The following GINM1 variants were observed in gnomAD, a reference collection of about 807,000 sequenced individuals.
GINM1 encodes the protein glycosylated integral membrane protein 1.
In GINM1, 29 loss-of-function variants were observed where a neutral mutation model predicts 37.8. The ratio of observed to expected loss-of-function variants is 0.77; its 90% CI spans 0.57 to 1.05. The LOEUF (loss-of-function observed/expected upper bound fraction) is 1.05, where lower values mean the gene tolerates loss of function less well. Among genes scored for constraint, GINM1 ranks in the 50% least tolerant of loss-of-function variants. The probability of loss-of-function intolerance (pLI) is 0.00; values close to 1 mark genes in which losing one functional copy is unlikely to be tolerated. For synonymous variants in GINM1, 143 were observed against 146.2 expected (o/e 0.98, Z 0.16); for missense variants, 377 against 397.9 (o/e 0.95, Z 0.45).
rs376235739 is a variant in GINM1, at chr6:149,572,287, C to T, written c.123C>T (p.Asp41=). The change falls in exon 2 of 8, where the codon GAC becomes GAT. Residue 41 remains aspartate, a splice_region_variant and synonymous_variant. Transcript: ENST00000367419. ...EPPPLSGAPQ[D]GIRINVTTLK... The stretch of plus-strand genomic sequence containing the variant: ...TTTACACAATACTTGTTTTACAGGA[C>T]GGCATCAGAATTAATGTAACTACAC... The T allele has an allele frequency of 4.7e-5, 74 of 1,586,280 alleles. No individual in the cohort carries two copies. Among genetic ancestry groups the T allele is most frequent in the Admixed American group, 3.1e-4 (17 of 55,414 alleles).
rs1777843498 is a variant in GINM1, at chr6:149,572,523, C to T, written c.197C>T (p.Thr66Ile). ...TATTTTAAGGTTGTTCTTAACATAA[C>T]CTATGAGAGTGGACAGGTGTATGTA... ...ISKQQVVLNI[T>I]YESGQVYVND... The change falls in exon 3 of 8, where the codon ACC (threonine) becomes ATC (isoleucine). Residue 66 changes from threonine to isoleucine, a missense_variant. Physicochemically the swap from Thr to Ile is moderately conservative, Grantham distance 89. Coordinates refer to ENST00000367419, the MANE Select transcript of GINM1 (RefSeq NM_138785.5). 1.1e-5 allele frequency: 17 copies of T among 1,590,528 alleles called. No homozygotes were observed. Among genetic ancestry groups the T allele is most frequent in the Non-Finnish European group, 1.5e-5 (17 of 1,163,286 alleles).
At chr6:149,569,337 C>CT (rs372296900) in intron 1 of GINM1, among the ~76,000 whole-genome samples, 3,391 of 123,870 alleles carry the variant, frequency 0.027, 168 homozygotes, top group African/African-American at 0.09. Flanking sequence ...CGCCCGGTCA[C>CT]TTTTTTTTTT....
In GINM1 at chr6:149,582,625, A is replaced by T. The variant is rs750052064; in HGVS notation, c.881+22A>T. ...ACAAGTAAGTATTTCTTATTTTTGA[A>T]ATGTTAGTATTTTTAATGATTAAAA... On this transcript the variant is annotated intron_variant, in intron 7 of 7. Coordinates refer to ENST00000367419, the MANE Select transcript of GINM1 (RefSeq NM_138785.5). The T allele has an allele frequency of 4.1e-6, 6 of 1,463,952 alleles. No individual in the cohort carries two copies. In the South Asian group the frequency reaches 7.8e-5, roughly 19 times the overall value. 90.7% of individuals were successfully genotyped at this position (1,463,952 alleles called of 1,614,324 possible).
At chr6:149,568,025 C>T (rs981744757) in intron 1 of GINM1, among the ~76,000 whole-genome samples, 1 of 152,214 alleles carries the variant, frequency 6.6e-6, no homozygotes, top group Non-Finnish European at 1.5e-5. Flanking sequence ...ACTGCATTGT[C>T]GGCTGGCTCT....
At position 149,591,664 on chromosome 6, in the gene GINM1, T is replaced by C. The variant is rs1778156608; in HGVS notation, c.*826T>C. On this transcript the variant is annotated 3_prime_UTR_variant, in exon 8 of 8. Transcript: ENST00000367419. The stretch of plus-strand genomic sequence containing the variant: ...GATTGTATCCTGTACCAAGACTACT[T>C]ACCTTGAATGCTCCAAGATTTAAAA... The C allele has an allele frequency of 6.6e-6, 1 of 152,066 alleles. No individual in the cohort carries two copies. The highest frequency in any genetic ancestry group is 2.4e-5 in the African/African-American group (1 of 41,406). 9.4% of individuals were successfully genotyped at this position (152,066 alleles called of 1,614,324 possible). A position where few individuals can be genotyped will look rare whatever the true frequency, so the allele number is the denominator to read the frequency against.
At chr6:149,572,261 A>G (rs1423134400) in intron 1 of GINM1, 24 bp from the exon 2 acceptor site, 9 of 1,505,820 alleles carry the variant, frequency 6.0e-6, no homozygotes, top group East Asian at 2.3e-5. Context: ...ACACCTTCCA[A>G]TTTACACAAT....
At chr6:149,570,132 G>T (rs1218770502) in intron 1 of GINM1, among the ~76,000 whole-genome samples, 2 of 71,014 alleles carry the variant, frequency 2.8e-5, no homozygotes, top group Non-Finnish European at 5.1e-5. Context: ...TTACTAGGTA[G>T]GTTTTATATA....
intron 3 of GINM1, among the ~76,000 whole-genome samples, chr6:149,574,913 T>G (rs938908863): frequency 1.3e-5 from 2 of 152,310 alleles, no homozygotes; most frequent in South Asian, 4.1e-4. Context: ...TGTACTTTTA[T>G]CACTTCCCAA....
rs376442666 is a variant in GINM1, at chr6:149,572,240, C to T, written c.121-45C>T. The stretch of plus-strand genomic sequence containing the variant: ...AAGAGAAAGCCACGTTGTTCTCAAT[C>T]TGTGAGATGCACACCTTCCAATTTA... On this transcript the variant is annotated intron_variant, in intron 1 of 7. Coordinates refer to ENST00000367419, the MANE Select transcript of GINM1 (RefSeq NM_138785.5). 3 of 1,163,560 alleles carry T rather than the reference C, an allele frequency of 2.6e-6. No homozygotes were observed. The African/African-American group carries it at 4.6e-5, about 18-fold the overall frequency. The allele number at this position is 1,163,560 out of a possible 1,614,324, so 72.1% of individuals were successfully genotyped here. A position where few individuals can be genotyped will look rare whatever the true frequency, so the allele number is the denominator to read the frequency against.
At chr6:149,572,247 A>T in intron 1 of GINM1, 38 bp from the exon 2 acceptor site, 1 of 1,278,868 alleles carries the variant, frequency 7.8e-7, no homozygotes, top group Middle Eastern at 1.9e-4. Context: ...AATCTGTGAG[A>T]TGCACACCTT....
At position 149,589,262 on chromosome 6, in the gene GINM1, A is replaced by AATTT. The variant is rs201207313; in HGVS notation, c.882-1446_882-1443dup. ...GTGCCCAGCCATTATATTTTCTTAAAATTTATTTATTTATTTATTTATATA... is the reference window on the plus strand; with the variant it reads ...GTGCCCAGCCATTATATTTTCTTAAAATTTATTTATTTATTTATTTATTTATATA... On this transcript the variant is annotated intron_variant, in intron 7 of 7. Transcript: ENST00000367419. Among the ~76,000 whole-genome samples the AATTT allele has an allele frequency of 3.5e-3, 523 of 149,820 alleles. 4 individuals are homozygous for AATTT. The highest frequency in any genetic ancestry group is 0.011 in the African/African-American group (454 of 40,756).
At chr6:149,586,658 C>G (rs545376001) in intron 7 of GINM1, among the ~76,000 whole-genome samples, 42 of 152,288 alleles carry the variant, frequency 2.8e-4, no homozygotes, top group Admixed American at 1.6e-3. Context: ...ACCCAGGGAC[C>G]TCAGTGCAGT....
rs772318982 is a variant in GINM1 at position 149,582,526 on chromosome 6, C to T, written c.804C>T (p.Asn268=). 6.2e-7 allele frequency: 1 copy of T among 1,612,438 alleles called. No individual in the cohort carries two copies. Among genetic ancestry groups the T allele is most frequent in the South Asian group, 1.1e-5 (1 of 90,648 alleles). ...TCCCAGTATTCTTTCAGTTTTTGAA[C>T]ATCATGGTGGTTGGAATTACAGGAG... The part of the protein sequence containing the change: ...NVFPVFFQFL[N]IMVVGITGAA... The change falls in exon 7 of 8, where the codon AAC becomes AAT. Residue 268 remains asparagine (N), a synonymous_variant. Transcript: ENST00000367419.
intron 3 of GINM1, among the ~76,000 whole-genome samples, chr6:149,575,913 A>G (rs1777907478): frequency 6.6e-6 from 1 of 152,224 alleles, no homozygotes; most frequent in Non-Finnish European, 1.5e-5. Flanking sequence ...ATAAATGCTC[A>G]TCTTATCCAG....
chr6:149,582,425 A>C lies in GINM1; in HGVS notation c.718-15A>C. ...TTGATGCAACTTGCATATCTAATCG[A>C]AATTCCTTTTTCAGGTAATGTGTCA... On this transcript the variant is annotated splice_polypyrimidine_tract_variant and intron_variant, in intron 6 of 7. Coordinates refer to ENST00000367419, the MANE Select transcript of GINM1 (RefSeq NM_138785.5). 6.3e-7 allele frequency: 1 copy of C among 1,596,934 alleles called. No individual in the cohort carries two copies. The highest frequency in any genetic ancestry group is 8.5e-7 in the Non-Finnish European group (1 of 1,175,714).
chr6:149,577,193 G>A (rs1188443139), intron 3 of GINM1, among the ~76,000 whole-genome samples: 1 of 152,250 alleles, frequency 6.6e-6, no homozygotes, highest in Non-Finnish European at 1.5e-5. Flanking sequence ...TTTGCAGGCT[G>A]AAGAATTGCC....
At chr6:149,569,553 G>A (rs1405188794) in intron 1 of GINM1, among the ~76,000 whole-genome samples, 1 of 151,342 alleles carries the variant, frequency 6.6e-6, no homozygotes, top group African/African-American at 2.4e-5. Flanking sequence ...TGGCTAGCTG[G>A]TCTCAAACTC....
chr6:149,566,445 C>T lies in GINM1; in HGVS notation c.31C>T (p.Leu11Phe), dbSNP rs762047324. 13 of 1,574,868 alleles carry T rather than the reference C, an allele frequency of 8.3e-6. No individual in the cohort carries two copies. Among genetic ancestry groups the T allele is most frequent in the African/African-American group, 4.2e-5 (3 of 72,192 alleles). Residue 11 changes from leucine (L) to phenylalanine (F), a missense_variant, in exon 1 of 8, where the codon CTC (leucine) becomes TTC (phenylalanine). Coordinates refer to ENST00000367419, the MANE Select transcript of GINM1 (RefSeq NM_138785.5). This position sits in a 1 kb window ranked among gnomAD's most constrained non-coding sequence, Gnocchi z 4.4. MEGAPPGSLA[L>F]RLLLFVALPA... is the part of the protein sequence containing the mutation. ...GGGCGCTCCACCGGGGTCGCTCGCC[C>T]TCCGGCTCCTGCTGTTCGTGGCGCT...
intron 3 of GINM1, among the ~76,000 whole-genome samples, chr6:149,575,920 C>T (rs892997118): frequency 1.3e-5 from 2 of 152,146 alleles, no homozygotes; most frequent in African/African-American, 4.8e-5. Context: ...CTCATCTTAT[C>T]CAGTTACAGC....
Sources: allele counts gnomAD v4.1 joint callset (sites outside exome capture counted in the v4.1 genomes callset), GRCh38; gene constraint gnomAD v4.1.1; non-coding constraint Gnocchi (gnomAD v3.1); transcripts MANE v1.5; gene names NCBI Gene and HGNC (gene_info 2026-07-23, HGNC 2026-07-21).